GRIN2A: variants seen among roughly 807,000 people sequenced by gnomAD.
GRIN2A encodes the protein glutamate receptor ionotropic, NMDA 2A.
Under a neutral mutation model 113.4 loss-of-function variants are expected in GRIN2A, and 22 were observed. The observed-to-expected ratio is 0.19, with a 90% CI of 0.14 to 0.28. The LOEUF (loss-of-function observed/expected upper bound fraction) is 0.28, where lower values mean the gene tolerates loss of function less well. Ranked by LOEUF, GRIN2A falls within the 10% of genes least tolerant of loss-of-function variation. GRIN2A has a pLI of 1.00. For missense variants in GRIN2A, 1,502 were observed against 1,887.0 expected (o/e 0.80, Z 3.78); for synonymous variants, 827 against 738.4 (o/e 1.12, Z -1.94).
Position 9,937,953 on chromosome 16 carries a change from T to C in GRIN2A, c.1007+6A>G, listed in dbSNP as rs1427858640. 2.5e-6 allele frequency: 4 copies of C among 1,607,202 alleles called. No homozygotes were observed. In the Admixed American group the frequency reaches 5.0e-5, roughly 20 times the overall value. ...CCACTTTGGGAGACAACAAGCCCTT[T>C]CTTACGGGTGCAAGGTGTGCATCGG... On this transcript the variant is annotated splice_donor_region_variant and intron_variant, in intron 3 of 12. Coordinates refer to ENST00000330684, the MANE Select transcript of GRIN2A (RefSeq NM_001134407.3).
chr16:9,833,222 A>G (rs925028374), intron 8 of GRIN2A, among the ~76,000 whole-genome samples: 1 of 152,168 alleles, frequency 6.6e-6, no homozygotes, highest in Non-Finnish European at 1.5e-5. Context: ...ATGCCTCCCA[A>G]TTTTATTTCC....
intron 2 of GRIN2A, among the ~76,000 whole-genome samples, chr16:10,163,963 G>T (rs1236698390): frequency 6.6e-6 from 1 of 152,178 alleles, no homozygotes; most frequent in Non-Finnish European, 1.5e-5. Flanking sequence ...AGGCCTGAAG[G>T]TTTTTGCAAA....
intron 12 of GRIN2A, 117 bp from the exon 13 acceptor site, chr16:9,765,065 A>G: frequency 7.6e-7 from 1 of 1,317,160 alleles, no homozygotes; most frequent in Non-Finnish European, 1.1e-6. Context: ...AGCCCTGGAG[A>G]AACAGCAAAA....
At chr16:10,041,070 A>G (rs1190880501) in intron 2 of GRIN2A, among the ~76,000 whole-genome samples, 11 of 152,268 alleles carry the variant, frequency 7.2e-5, no homozygotes, top group Non-Finnish European at 7.3e-5. Context: ...CTGAGTGGGT[A>G]GAGTGCCAGA....
intron 2 of GRIN2A, among the ~76,000 whole-genome samples, chr16:10,074,724 G>A (rs1455368169): frequency 2.6e-5 from 4 of 152,154 alleles, no homozygotes; most frequent in Non-Finnish European, 4.4e-5. Flanking sequence ...TTCTAGGGCT[G>A]GGGACAAAGG....
intron 4 of GRIN2A, among the ~76,000 whole-genome samples, chr16:9,851,362 T>G (rs1414370187): frequency 6.6e-6 from 1 of 152,172 alleles, no homozygotes; most frequent in Admixed American, 6.5e-5. Flanking sequence ...CGCTATGATA[T>G]GTAACAGGCT....
chr16:10,015,840 T>C (rs753974920), intron 2 of GRIN2A, among the ~76,000 whole-genome samples: 3 of 151,934 alleles, frequency 2.0e-5, no homozygotes, highest in Non-Finnish European at 4.4e-5. Context: ...TTAAACCATG[T>C]GGTAGGGTAG....
chr16:9,824,117 T>G (rs1481463130), intron 9 of GRIN2A, among the ~76,000 whole-genome samples: 1 of 152,208 alleles, frequency 6.6e-6, no homozygotes, highest in Non-Finnish European at 1.5e-5. Context: ...TTCCCTAAAT[T>G]AGGCATGCTG....
chr16:9,892,974 G>C (rs1460716004), intron 3 of GRIN2A, among the ~76,000 whole-genome samples: 1 of 150,550 alleles, frequency 6.6e-6, no homozygotes, highest in African/African-American at 2.5e-5. Flanking sequence ...AAGAGAACTA[G>C]GCTACAAGAA....
chr16:9,933,258 G>A (rs2044637964), intron 3 of GRIN2A, among the ~76,000 whole-genome samples: 1 of 152,028 alleles, frequency 6.6e-6, no homozygotes, highest in Admixed American at 6.6e-5. Context: ...AAACGGTTGG[G>A]TGTAAGGTCA....
At chr16:9,996,420 G>C (rs1396478769) in intron 2 of GRIN2A, among the ~76,000 whole-genome samples, 1 of 152,140 alleles carries the variant, frequency 6.6e-6, no homozygotes. Context: ...CATGAAAATT[G>C]AGTTCAGCTA....
At chr16:9,974,189 T>C (rs2045730796) in intron 2 of GRIN2A, among the ~76,000 whole-genome samples, 2 of 152,140 alleles carry the variant, frequency 1.3e-5, no homozygotes, top group African/African-American at 4.8e-5. Context: ...CATTGTTTTA[T>C]ACGGTTTTAT....
At chr16:9,968,268 G>C (rs1038111336) in intron 2 of GRIN2A, among the ~76,000 whole-genome samples, 1 of 66,284 alleles carries the variant, frequency 1.5e-5, no homozygotes, top group African/African-American at 7.8e-5. Context: ...TGACTTGTAT[G>C]TATGTATGTA....
At chr16:9,986,633 CG>C (rs1171663633) in intron 2 of GRIN2A, among the ~76,000 whole-genome samples, 1 of 151,740 alleles carries the variant, frequency 6.6e-6, no homozygotes, top group Non-Finnish European at 1.5e-5. Flanking sequence ...GGCGTGCTGG[CG>C]GGTGCCTGTA....
At chr16:9,819,910 A>G (rs1470605574) in intron 10 of GRIN2A, among the ~76,000 whole-genome samples, 1 of 138,880 alleles carries the variant, frequency 7.2e-6, no homozygotes, top group African/African-American at 2.8e-5. Flanking sequence ...AACAAGAGCG[A>G]AACTCCGTCT....
chr16:10,104,651 C>T (rs930242364), intron 2 of GRIN2A, among the ~76,000 whole-genome samples: 1 of 152,218 alleles, frequency 6.6e-6, no homozygotes, highest in East Asian at 1.9e-4. Context: ...CCAGGGTGCG[C>T]ACATGACAGA....
At chr16:9,859,724 T>G (rs1333179702) in intron 4 of GRIN2A, among the ~76,000 whole-genome samples, 1 of 151,872 alleles carries the variant, frequency 6.6e-6, no homozygotes, top group Non-Finnish European at 1.5e-5. Flanking sequence ...TGCCTATGCC[T>G]ACACTATTTC....
chr16:9,814,957 G>A (rs1027492982), intron 10 of GRIN2A, among the ~76,000 whole-genome samples: 1 of 151,048 alleles, frequency 6.6e-6, no homozygotes, highest in Non-Finnish European at 1.5e-5. Flanking sequence ...GAAGGCAGAG[G>A]TTGTGGTGAG....
At chr16:9,997,551 C>T (rs1233756095) in intron 2 of GRIN2A, among the ~76,000 whole-genome samples, 2 of 152,202 alleles carry the variant, frequency 1.3e-5, no homozygotes, top group African/African-American at 4.8e-5. Context: ...TGACTGCCAT[C>T]CCTAATCTCA....
Sources: allele counts gnomAD v4.1 joint callset (sites outside exome capture counted in the v4.1 genomes callset), GRCh38; gene constraint gnomAD v4.1.1; transcripts MANE v1.5; gene names NCBI Gene and HGNC (gene_info 2026-07-23, HGNC 2026-07-21).